The following POLR2F variants were observed in gnomAD, a reference collection of about 807,000 sequenced individuals.
POLR2F encodes the protein RNA polymerase II, I and III subunit F.
Under a neutral mutation model 22.7 loss-of-function variants are expected in POLR2F, and 12 were observed. The ratio of observed to expected loss-of-function variants is 0.53; its 90% CI spans 0.34 to 0.86. The LOEUF (loss-of-function observed/expected upper bound fraction) is 0.86. POLR2F is among the 40% of genes least tolerant of loss of function. POLR2F has a pLI of 0.02. For missense variants in POLR2F, 126 were observed against 171.5 expected, an observed-to-expected ratio of 0.73 and a Z score of 1.48; for synonymous variants, 57 against 66.0, an observed-to-expected ratio of 0.86 and a Z score of 0.66.
At chr22:38,014,806 A>ATTTTTTTTT (rs71737468) in intron 1 of POLR2F, among the ~76,000 whole-genome samples, 1 of 96,932 alleles carries the variant, frequency 1.0e-5, no homozygotes, top group African/African-American at 4.3e-5. Context: ...GTATTTTTGT[A>ATTTTTTTTT]TTTTTTTTTT....
downstream of POLR2F, chr22:37,973,858 T>A: frequency 6.2e-7 from 1 of 1,608,084 alleles, no homozygotes; most frequent in African/African-American, 1.3e-5. Context: ...CACCAGGTGG[T>A]GAGACCGTGG....
chr22:38,011,461 TC>T (rs973046814), intron 1 of POLR2F, among the ~76,000 whole-genome samples: 36 of 150,000 alleles, frequency 2.4e-4, no homozygotes, highest in African/African-American at 8.5e-4. Flanking sequence ...AGGTTATGGT[TC>T]TTTTTTTTTT....
At position 37,968,664 on chromosome 22, in the gene POLR2F, G is replaced by T. The variant is rs1182195702; in HGVS notation, c.*949G>T. 1 of 985,318 alleles carries T rather than the reference G, an allele frequency of 1.0e-6. No individual in the cohort carries two copies. The highest frequency in any genetic ancestry group is 1.1e-4 in the East Asian group (1 of 8,822). 61.0% of individuals were successfully genotyped at this position (985,318 alleles called of 1,614,324 possible). A position where few individuals can be genotyped will look rare whatever the true frequency, so the allele number is the denominator to read the frequency against. ...CCTCCTAGAGGGGGTCAGGGGGAGG[G>T]TGTATATTGACATGAACAGGGATAG... On this transcript the variant is annotated 3_prime_UTR_variant, in exon 5 of 5. Transcript: ENST00000442738.
chr22:37,979,991 C>G (rs1932346145), intron 4 of POLR2F, among the ~76,000 whole-genome samples: 1 of 152,082 alleles, frequency 6.6e-6, no homozygotes, highest in African/African-American at 2.4e-5. Context: ...GTGGTCATGC[C>G]AGGCACCTCC....
chr22:38,013,232 G>A (rs1252486072), intron 1 of POLR2F, among the ~76,000 whole-genome samples: 1 of 151,962 alleles, frequency 6.6e-6, no homozygotes, highest in Non-Finnish European at 1.5e-5. Context: ...TGCAACCTCT[G>A]CCTCCCGGTT....
chr22:38,038,698 C>A (rs1278158330), intron 5 of POLR2F, among the ~76,000 whole-genome samples: 1 of 152,118 alleles, frequency 6.6e-6, no homozygotes, highest in Non-Finnish European at 1.5e-5. Context: ...GCTCCCTCTT[C>A]TCCCGCAGCG....
In POLR2F at chr22:37,959,414, C is replaced by G. The variant is rs1260351409; in HGVS notation, c.159C>G (p.Thr53=). The change falls in exon 3 of 5, where the codon ACC becomes ACG. Residue 53 remains threonine, a synonymous_variant. Coordinates refer to ENST00000442738, the MANE Select transcript of POLR2F (RefSeq NM_021974.5). ...CGCAGGCCAACCAGAAGCGAATCACCACACCATACATGACCAAGTACGAGC... is the reference window on the plus strand; with the variant it reads ...CGCAGGCCAACCAGAAGCGAATCACGACACCATACATGACCAAGTACGAGC... ...ERPQANQKRI[T]TPYMTKYERA... 1.2e-6 allele frequency: 2 copies of G among 1,614,140 alleles called. No homozygotes were observed. Among genetic ancestry groups the G allele is most frequent in the East Asian group, 4.5e-5 (2 of 44,876 alleles).
intron 3 of POLR2F, 66 bp from the exon 4 acceptor site, chr22:37,967,033 T>C: frequency 8.3e-7 from 1 of 1,204,378 alleles, no homozygotes; most frequent in African/African-American, 1.5e-5. Context: ...CGTTCCACCC[T>C]CACTGCCTGT....
chr22:37,983,329 CGAGCCCGG>C, upstream of POLR2F: 1 of 1,589,198 alleles, frequency 6.3e-7, no homozygotes, highest in Non-Finnish European at 8.6e-7. The surrounding 1 kb of genome is among the most constrained non-coding windows in gnomAD (Gnocchi z 9.5). Context: ...CTAGAGGGCC[CGAGCCCGG>C]GGGGCGGTCG....
At chr22:37,956,543 A>G (rs1931407604) in intron 1 of POLR2F, among the ~76,000 whole-genome samples, 1 of 150,438 alleles carries the variant, frequency 6.6e-6, no homozygotes, top group African/African-American at 2.5e-5. Flanking sequence ...CAGCCCCCCA[A>G]GTAGCTGGTA....
chr22:37,955,056 C>T (rs536054333), intron 1 of POLR2F, among the ~76,000 whole-genome samples: 1 of 152,008 alleles, frequency 6.6e-6, no homozygotes, highest in Admixed American at 6.6e-5. Context: ...TTTGATGGAG[C>T]TGTTGGGGTG....
chr22:38,040,994 A>G (rs1428630922), intron 5 of POLR2F: 1 of 1,606,918 alleles, frequency 6.2e-7, no homozygotes, highest in Non-Finnish European at 8.5e-7. Context: ...GAAGTTCTTC[A>G]TGTATTTCAT....
At chr22:37,983,815 G>C (rs1412902206), upstream of POLR2F, 3 of 1,403,676 alleles carry the variant, frequency 2.1e-6, no homozygotes, top group Non-Finnish European at 1.9e-6. This position sits in a 1 kb window ranked among gnomAD's most constrained non-coding sequence, Gnocchi z 9.5. Flanking sequence ...CCGCCGCCTC[G>C]GCCGCCTCCC....
At chr22:38,010,679 C>T (rs2084864458) in intron 1 of POLR2F, among the ~76,000 whole-genome samples, 2 of 128,944 alleles carry the variant, frequency 1.6e-5, no homozygotes, top group African/African-American at 3.1e-5. Context: ...TGCAGTGGCG[C>T]GATCTCGGCT....
chr22:37,963,819 C>G (rs1334624730), intron 3 of POLR2F, among the ~76,000 whole-genome samples: 3 of 152,162 alleles, frequency 2.0e-5, no homozygotes, highest in Non-Finnish European at 4.4e-5. Context: ...GATGTAGTCC[C>G]AGCCGGGCGC....
At chr22:37,954,974 A>G (rs1433035171) in intron 1 of POLR2F, among the ~76,000 whole-genome samples, 2 of 152,166 alleles carry the variant, frequency 1.3e-5, no homozygotes, top group Non-Finnish European at 2.9e-5. Flanking sequence ...CTGATAGATC[A>G]GGCTAAATGA....
At chr22:38,034,743 C>T (rs575569333) in intron 5 of POLR2F, among the ~76,000 whole-genome samples, 6 of 152,274 alleles carry the variant, frequency 3.9e-5, no homozygotes, top group Admixed American at 6.5e-5. Flanking sequence ...GTTGTGCCTG[C>T]GCAGCTCGGA....
chr22:37,956,251 C>G (rs1362632541), intron 1 of POLR2F, among the ~76,000 whole-genome samples: 1 of 151,778 alleles, frequency 6.6e-6, no homozygotes, highest in South Asian at 2.1e-4. Flanking sequence ...CACCACCACT[C>G]CCGGCTAATT....
chr22:38,003,288 G>T (rs1370089816), intron 1 of POLR2F, among the ~76,000 whole-genome samples: 1 of 151,712 alleles, frequency 6.6e-6, no homozygotes, highest in Non-Finnish European at 1.5e-5. Context: ...GTGCAGTGGC[G>T]TGATCTCGGC....
Sources: gnomAD v4.1 joint callset for allele counts (sites outside exome capture counted in the v4.1 genomes callset) on GRCh38, gnomAD v4.1.1 for gene constraint, Gnocchi (gnomAD v3.1) non-coding constraint, MANE v1.5 for transcripts, NCBI Gene and HGNC (gene_info 2026-07-23, HGNC 2026-07-21) for gene names.